The following NKAPL variants were observed in gnomAD, a reference collection of about 807,000 sequenced individuals.
NKAPL encodes the protein NFKB activating protein like.
Under a neutral mutation model 14.7 loss-of-function variants are expected in NKAPL, and 7 were observed. That is an observed-to-expected ratio of 0.48 (90% CI 0.27 to 0.89). The LOEUF is 0.89. Among genes scored for constraint, NKAPL ranks in the 40% least tolerant of loss-of-function variants. The pLI, the probability that NKAPL is intolerant of heterozygous loss-of-function variation, is 0.12. For synonymous variants in NKAPL, 192 were observed against 179.9 expected (o/e 1.07, Z -0.54); for missense variants, 466 against 494.1 (o/e 0.94, Z 0.54).
In NKAPL at chr6:28,259,509, C is replaced by T; in HGVS notation, c.138C>T (p.Arg46=). 6.2e-7 allele frequency: 1 copy of T among 1,614,220 alleles called. No homozygotes were observed. Among genetic ancestry groups the T allele is most frequent in the Non-Finnish European group, 8.5e-7 (1 of 1,180,034 alleles). ...SWDGCSRSHS[R]GREGLRPPWS... ...ATGGCTGTTCCCGCTCTCACTCCCGCGGCCGTGAGGGCCTCAGGCCTCCTT... is the reference window on the plus strand; with the variant it reads ...ATGGCTGTTCCCGCTCTCACTCCCGTGGCCGTGAGGGCCTCAGGCCTCCTT... Residue 46 remains arginine, a synonymous_variant, in exon 1 of 1, where the codon CGC becomes CGT. Coordinates refer to ENST00000343684, the MANE Select transcript of NKAPL (RefSeq NM_001007531.3).
At position 28,259,694 on chromosome 6, in the gene NKAPL, C is replaced by G; in HGVS notation, c.323C>G (p.Ala108Gly). The change falls in exon 1 of 1, where the codon GCG becomes GGG. Residue 108 changes from alanine to glycine, a missense_variant. Physicochemically the swap from Ala to Gly is moderately conservative, Grantham distance 60 (BLOSUM62 0). Coordinates refer to ENST00000343684, the MANE Select transcript of NKAPL (RefSeq NM_001007531.3). ...RHCYAEERQS[A>G]EDYEKEESHR... ...TGCTATGCAGAAGAACGGCAGTCAG[C>G]GGAAGACTACGAGAAGGAAGAGAGC... 1.2e-6 allele frequency: 2 copies of G among 1,614,168 alleles called. No individual in the cohort carries two copies. Among genetic ancestry groups the G allele is most frequent in the Non-Finnish European group, 1.7e-6 (2 of 1,180,030 alleles).
Position 28,259,853 on chromosome 6 carries a change from C to G in NKAPL, c.482C>G (p.Thr161Arg). ...CCAGTTGAGGATGAAGAAGAGGTAACGCATCAGAAAAGCAGCAGTTCAGAT... is the reference window on the plus strand; with the variant it reads ...CCAGTTGAGGATGAAGAAGAGGTAAGGCATCAGAAAAGCAGCAGTTCAGAT... Reference protein sequence around the residue: ...HTPVEDEEEVTHQKSSSSDSN... With the variant: ...HTPVEDEEEVRHQKSSSSDSN... The change falls in exon 1 of 1, where the codon ACG (threonine) becomes AGG (arginine). Residue 161 changes from threonine to arginine, a missense_variant. Coordinates refer to ENST00000343684, the MANE Select transcript of NKAPL (RefSeq NM_001007531.3). 1 of 1,613,984 alleles carries G rather than the reference C, an allele frequency of 6.2e-7. No homozygotes were observed. Among genetic ancestry groups the G allele is most frequent in the Non-Finnish European group, 8.5e-7 (1 of 1,180,014 alleles).
At position 28,260,858 on chromosome 6, in the gene NKAPL, A is replaced by G; in HGVS notation, c.*278A>G. On this transcript the variant is annotated 3_prime_UTR_variant, in exon 1 of 1. Coordinates refer to ENST00000343684, the MANE Select transcript of NKAPL (RefSeq NM_001007531.3). The stretch of plus-strand genomic sequence containing the variant: ...TGACACCTTTCCCCCAAAAATATAT[A>G]TTTTGGTGTCTTATATACAGAATAT... The G allele has an allele frequency of 3.0e-6, 1 of 338,284 alleles. No individual in the cohort carries two copies. The highest frequency in any genetic ancestry group is 5.7e-6 in the Non-Finnish European group (1 of 175,688). 21.0% of individuals were successfully genotyped at this position (338,284 alleles called of 1,614,324 possible).
rs1761303328 is a variant in NKAPL at position 28,259,907 on chromosome 6, A to G, written c.536A>G (p.Lys179Arg). The G allele has an allele frequency of 3.7e-6, 6 of 1,612,456 alleles. No individual in the cohort carries two copies. The East Asian group carries it at 1.3e-4, about 36-fold the overall frequency. ...AACTCGGAAGAACATAGGAAAAAGA[A>G]GACCAGTCGTTCAAGAAACAAGAAA... The part of the protein sequence containing the change: ...DSNSEEHRKK[K>R]TSRSRNKKKR... Residue 179 changes from lysine (K) to arginine (R), a missense_variant, in exon 1 of 1, where the codon AAG (lysine) becomes AGG (arginine). Physicochemically the swap from Lys to Arg is conservative, Grantham distance 26. Transcript: ENST00000343684.
rs903201685 is a variant in NKAPL at position 28,260,476 on chromosome 6, C to T, written c.1105C>T (p.Leu369Phe). Reference sequence around the variant, plus strand: ...CTACAGTGCTGATGAGAAGAGAGCTCTTGCATCCTTTAACCAAGAAGAGAG... The same window carrying T: ...CTACAGTGCTGATGAGAAGAGAGCTTTTGCATCCTTTAACCAAGAAGAGAG... Reference protein sequence around the residue: ...QIYSADEKRALASFNQEERRK... With the variant: ...QIYSADEKRAFASFNQEERRK... The change falls in exon 1 of 1, where the codon CTT (leucine) becomes TTT (phenylalanine). Residue 369 changes from leucine to phenylalanine, a missense_variant. Transcript: ENST00000343684. The T allele has an allele frequency of 3.1e-6, 5 of 1,613,966 alleles. No homozygotes were observed. The highest frequency in any genetic ancestry group is 2.7e-5 in the African/African-American group (2 of 74,888).
Position 28,260,152 on chromosome 6 carries a change from T to A in NKAPL, c.781T>A (p.Ser261Thr), listed in dbSNP as rs759205217. The A allele has an allele frequency of 6.2e-7, 1 of 1,613,594 alleles. No individual in the cohort carries two copies. The highest frequency in any genetic ancestry group is 8.5e-7 in the Non-Finnish European group (1 of 1,179,710). The change falls in exon 1 of 1, where the codon TCA becomes ACA. Residue 261 changes from serine to threonine, a missense_variant. Ser to Thr is a moderately conservative substitution (Grantham distance 58, BLOSUM62 1). Coordinates refer to ENST00000343684, the MANE Select transcript of NKAPL (RefSeq NM_001007531.3). ...CTGTAAAGACTCAGAAGAGGACTTG[T>A]CAGAAGCTACCTGGATGGAGCAGCC... ...SSCKDSEEDLSEATWMEQPNV... is the reference protein window; with the variant it reads ...SSCKDSEEDLTEATWMEQPNV...
Position 28,259,851 on chromosome 6 carries a change from A to G in NKAPL, c.480A>G (p.Val160=). The G allele has an allele frequency of 1.9e-6, 3 of 1,614,210 alleles. No individual in the cohort carries two copies. Among genetic ancestry groups the G allele is most frequent in the Non-Finnish European group, 2.5e-6 (3 of 1,180,044 alleles). ...CCCCAGTTGAGGATGAAGAAGAGGT[A>G]ACGCATCAGAAAAGCAGCAGTTCAG... The part of the protein sequence containing the change: ...EHTPVEDEEE[V]THQKSSSSDS... Residue 160 remains valine, a synonymous_variant, in exon 1 of 1, where the codon GTA becomes GTG. Transcript: ENST00000343684.
At position 28,259,900 on chromosome 6, in the gene NKAPL, A is replaced by G; in HGVS notation, c.529A>G (p.Lys177Glu). Residue 177 changes from lysine (K) to glutamate (E), a missense_variant, in exon 1 of 1, where the codon AAA becomes GAA. Lys to Glu is a moderately conservative substitution (Grantham distance 56). Transcript: ENST00000343684. Reference protein sequence around the residue: ...SSDSNSEEHRKKKTSRSRNKK... With the variant: ...SSDSNSEEHREKKTSRSRNKK... ...AGATTCCAACTCGGAAGAACATAGG[A>G]AAAAGAAGACCAGTCGTTCAAGAAA... 6.2e-7 allele frequency: 1 copy of G among 1,613,340 alleles called. No individual in the cohort carries two copies. Among genetic ancestry groups the G allele is most frequent in the Non-Finnish European group, 8.5e-7 (1 of 1,179,874 alleles).
rs770915100 is a variant in NKAPL, at chr6:28,260,455, A to G, written c.1084A>G (p.Ser362Gly). 6.2e-7 allele frequency: 1 copy of G among 1,614,214 alleles called. No homozygotes were observed. Among genetic ancestry groups the G allele is most frequent in the Admixed American group, 1.7e-5 (1 of 60,024 alleles). Residue 362 changes from serine (S) to glycine (G), a missense_variant, in exon 1 of 1, where the codon AGT (serine) becomes GGT (glycine). Coordinates refer to ENST00000343684, the MANE Select transcript of NKAPL (RefSeq NM_001007531.3). ...VRLRKENQIY[S>G]ADEKRALASF... ...ACTGCGTAAGGAGAACCAGATCTAC[A>G]GTGCTGATGAGAAGAGAGCTCTTGC... is the stretch of plus-strand genomic sequence containing the variant.
In NKAPL at chr6:28,260,353, A is replaced by C; in HGVS notation, c.982A>C (p.Ser328Arg). The change falls in exon 1 of 1, where the codon AGT becomes CGT. Residue 328 changes from serine (S) to arginine (R), a missense_variant. Transcript: ENST00000343684. ...ACGAAGAGGTGAAATTGGGTTGACA[A>C]GTGAAGAGATCGGTTCTTTTGAATG... is the stretch of plus-strand genomic sequence containing the variant. ...IPRRGEIGLT[S>R]EEIGSFECSG... The C allele has an allele frequency of 6.2e-7, 1 of 1,614,220 alleles. No individual in the cohort carries two copies. Among genetic ancestry groups the C allele is most frequent in the Non-Finnish European group, 8.5e-7 (1 of 1,180,044 alleles).
chr6:28,260,670 C>T lies in NKAPL; in HGVS notation c.*90C>T, dbSNP rs1581599732. 2.7e-6 allele frequency: 4 copies of T among 1,474,540 alleles called. No homozygotes were observed. The East Asian group carries it at 9.4e-5, about 35-fold the overall frequency. 91.3% of individuals were successfully genotyped at this position (1,474,540 alleles called of 1,614,324 possible). Reference sequence around the variant, plus strand: ...AGGCTTTACAGTGCTACTGTACTTACCATATTAGTAAGTCCCTCAGGAAAA... The same window carrying T: ...AGGCTTTACAGTGCTACTGTACTTATCATATTAGTAAGTCCCTCAGGAAAA... On this transcript the variant is annotated 3_prime_UTR_variant, in exon 1 of 1. Coordinates refer to ENST00000343684, the MANE Select transcript of NKAPL (RefSeq NM_001007531.3).
Position 28,259,398 on chromosome 6 carries a change from T to C in NKAPL, c.27T>C (p.Tyr9=). The C allele has an allele frequency of 6.2e-7, 1 of 1,600,230 alleles. No individual in the cohort carries two copies. Among genetic ancestry groups the C allele is most frequent in the East Asian group, 2.2e-5 (1 of 44,512 alleles). MPPVSRSS[Y]SEDIVGSRRR... ...TGCCCCCAGTATCCCGGTCCAGCTA[T>C]TCCGAGGACATCGTGGGCTCTCGGA... The change falls in exon 1 of 1, where the codon TAT becomes TAC. Residue 9 remains tyrosine, a synonymous_variant. Transcript: ENST00000343684.
In NKAPL at chr6:28,260,743, T is replaced by A. The variant is rs1761330281; in HGVS notation, c.*163T>A. On this transcript the variant is annotated 3_prime_UTR_variant, in exon 1 of 1. Coordinates refer to ENST00000343684, the MANE Select transcript of NKAPL (RefSeq NM_001007531.3). ...GCAGCTTATTTTTTGTTATTTTAAC[T>A]TTAAAAAGTAATATGTGCACATGGT... 2 of 808,318 alleles carry A rather than the reference T, an allele frequency of 2.5e-6. No individual in the cohort carries two copies. Among genetic ancestry groups the A allele is most frequent in the Non-Finnish European group, 3.8e-6 (2 of 533,028 alleles). The allele number at this position is 808,318 out of a possible 1,614,324, so 50.1% of individuals were successfully genotyped here.
Position 28,260,273 on chromosome 6 carries a change from T to G in NKAPL, c.902T>G (p.Leu301Arg), listed in dbSNP as rs757732108. The G allele has an allele frequency of 7.4e-6, 12 of 1,614,162 alleles. No individual in the cohort carries two copies. Among genetic ancestry groups the G allele is most frequent in the Non-Finnish European group, 1.7e-6 (2 of 1,180,040 alleles). The change falls in exon 1 of 1, where the codon CTT becomes CGT. Residue 301 changes from leucine to arginine, a missense_variant. Coordinates refer to ENST00000343684, the MANE Select transcript of NKAPL (RefSeq NM_001007531.3). ...CCTTTGAAGTATGGCCATGCTTTGC[T>G]TCCCGGTGAAGGTGCAGCTATGGCT... is the stretch of plus-strand genomic sequence containing the variant. Reference protein sequence around the residue: ...EKPLKYGHALLPGEGAAMAEY... With the variant: ...EKPLKYGHALRPGEGAAMAEY...
chr6:28,260,590 T>C lies in NKAPL; in HGVS notation c.*10T>C. On this transcript the variant is annotated 3_prime_UTR_variant, in exon 1 of 1. Coordinates refer to ENST00000343684, the MANE Select transcript of NKAPL (RefSeq NM_001007531.3). ...GAAAGATGACAAGTAAGGACTTACT[T>C]GTTGCACAGCAGGAATTTTAACAAC... is the stretch of plus-strand genomic sequence containing the variant. The C allele has an allele frequency of 6.3e-7, 1 of 1,597,966 alleles. No homozygotes were observed. The highest frequency in any genetic ancestry group is 8.5e-7 in the Non-Finnish European group (1 of 1,173,812).
At position 28,260,253 on chromosome 6, in the gene NKAPL, G is replaced by A; in HGVS notation, c.882G>A (p.Leu294=). The A allele has an allele frequency of 6.2e-7, 1 of 1,614,132 alleles. No individual in the cohort carries two copies. The highest frequency in any genetic ancestry group is 1.1e-5 in the South Asian group (1 of 91,078). Residue 294 remains leucine (L), a synonymous_variant, in exon 1 of 1, where the codon TTG becomes TTA. Transcript: ENST00000343684. ...ATACCTCTCAAGATGAAAAACCTTT[G>A]AAGTATGGCCATGCTTTGCTTCCCG... is the stretch of plus-strand genomic sequence containing the variant. ...IIHTSQDEKP[L]KYGHALLPGE... is the part of the protein sequence containing the mutation.
In NKAPL at chr6:28,260,490, C is replaced by G; in HGVS notation, c.1119C>G (p.Asn373Lys). 1 of 1,613,982 alleles carries G rather than the reference C, an allele frequency of 6.2e-7. No homozygotes were observed. The highest frequency in any genetic ancestry group is 1.1e-5 in the South Asian group (1 of 91,072). ...ADEKRALASF[N>K]QEERRKRESK... ...AGAAGAGAGCTCTTGCATCCTTTAA[C>G]CAAGAAGAGAGACGAAAGAGAGAAA... The change falls in exon 1 of 1, where the codon AAC becomes AAG. Residue 373 changes from asparagine to lysine, a missense_variant. Transcript: ENST00000343684.
At position 28,260,647 on chromosome 6, in the gene NKAPL, G is replaced by C. The variant is rs1761328255; in HGVS notation, c.*67G>C. Reference sequence around the variant, plus strand: ...TTTATGTGACCAAAAGTGTTAAAAGGCTTTACAGTGCTACTGTACTTACCA... The same window carrying C: ...TTTATGTGACCAAAAGTGTTAAAAGCCTTTACAGTGCTACTGTACTTACCA... On this transcript the variant is annotated 3_prime_UTR_variant, in exon 1 of 1. Transcript: ENST00000343684. 1.9e-6 allele frequency: 3 copies of C among 1,547,172 alleles called. No homozygotes were observed. Among genetic ancestry groups the C allele is most frequent in the South Asian group, 2.6e-5 (2 of 77,598 alleles).
In NKAPL at chr6:28,259,908, G is replaced by A. The variant is rs1400312083; in HGVS notation, c.537G>A (p.Lys179=). 1 of 1,612,120 alleles carries A rather than the reference G, an allele frequency of 6.2e-7. No homozygotes were observed. The highest frequency in any genetic ancestry group is 1.3e-5 in the African/African-American group (1 of 74,736). ...ACTCGGAAGAACATAGGAAAAAGAA[G>A]ACCAGTCGTTCAAGAAACAAGAAAA... ...DSNSEEHRKK[K]TSRSRNKKKR... The change falls in exon 1 of 1, where the codon AAG becomes AAA. Residue 179 remains lysine, a synonymous_variant. Transcript: ENST00000343684.
Sources: gnomAD v4.1 joint callset for allele counts on GRCh38, gnomAD v4.1.1 for gene constraint, MANE v1.5 for transcripts, NCBI Gene and HGNC (gene_info 2026-07-23, HGNC 2026-07-21) for gene names.